DOK6: variants seen among roughly 807,000 people sequenced by gnomAD.
The protein encoded by DOK6 is docking protein 6.
In DOK6, 22 loss-of-function variants were observed where a neutral mutation model predicts 44.0. That is an observed-to-expected ratio of 0.50 (90% CI 0.36 to 0.71). The LOEUF is 0.71. Among genes scored for constraint, DOK6 ranks in the 30% least tolerant of loss-of-function variants. DOK6 has a pLI of 0.00. For missense variants in DOK6, 340 were observed against 416.4 expected, an observed-to-expected ratio of 0.82 and a Z score of 1.60; for synonymous variants, 166 against 145.5, an observed-to-expected ratio of 1.14 and a Z score of -1.01.
chr18:69,746,106 T>TAG (rs142624020), intron 6 of DOK6, among the ~76,000 whole-genome samples: 2,844 of 152,234 alleles, frequency 0.019, 74 homozygotes, highest in African/African-American at 0.063. Context: ...ATAGAGATAA[T>TAG]AGAGAGATTA....
intron 5 of DOK6, among the ~76,000 whole-genome samples, chr18:69,710,170 C>T (rs975037799): frequency 6.6e-6 from 1 of 152,088 alleles, no homozygotes; most frequent in Non-Finnish European, 1.5e-5. Flanking sequence ...CAGAGTGAGA[C>T]CCTGTCTCAG....
At chr18:69,586,470 G>A (rs907977321) in intron 2 of DOK6, among the ~76,000 whole-genome samples, 11 of 152,110 alleles carry the variant, frequency 7.2e-5, no homozygotes, top group Non-Finnish European at 1.5e-4. Context: ...CCAGAAAAAA[G>A]TAAATAAATA....
chr18:69,510,219 G>A (rs1981327600), intron 1 of DOK6, among the ~76,000 whole-genome samples: 3 of 152,188 alleles, frequency 2.0e-5, no homozygotes, highest in Admixed American at 2.0e-4. Flanking sequence ...TTATTACACT[G>A]AATTGGAGCT....
At chr18:69,611,949 T>TACACACAC (rs56185499) in intron 3 of DOK6, among the ~76,000 whole-genome samples, 3,086 of 150,162 alleles carry the variant, frequency 0.021, 25 homozygotes, top group Non-Finnish European at 0.024. Context: ...ATATAAAACT[T>TACACACAC]ACACACACAC....
chr18:69,505,054 C>T (rs939071757), intron 1 of DOK6, among the ~76,000 whole-genome samples: 2 of 152,216 alleles, frequency 1.3e-5, no homozygotes, highest in African/African-American at 4.8e-5. Context: ...TGACTTCCTA[C>T]TCCACTGGAG....
intron 1 of DOK6, among the ~76,000 whole-genome samples, chr18:69,441,460 A>G (rs1392305903): frequency 3.9e-5 from 6 of 152,184 alleles, no homozygotes; most frequent in African/African-American, 1.2e-4. Context: ...AACTTTGTAC[A>G]TAACATCTGT....
At chr18:69,587,331 C>T (rs529513130) in intron 2 of DOK6, among the ~76,000 whole-genome samples, 3 of 152,230 alleles carry the variant, frequency 2.0e-5, no homozygotes, top group African/African-American at 4.8e-5. Flanking sequence ...CCTTGGTTAG[C>T]GCAACATAAC....
At chr18:69,693,896 A>G (rs1160659566) in intron 4 of DOK6, among the ~76,000 whole-genome samples, 1 of 151,710 alleles carries the variant, frequency 6.6e-6, no homozygotes, top group Non-Finnish European at 1.5e-5. Context: ...GCCTCTACTA[A>G]AAATACAAAA....
chr18:69,507,500 C>G (rs1981229249), intron 1 of DOK6, among the ~76,000 whole-genome samples: 1 of 152,060 alleles, frequency 6.6e-6, no homozygotes, highest in Non-Finnish European at 1.5e-5. Flanking sequence ...CATCTTACTG[C>G]TGCTGAGTCT....
intron 3 of DOK6, among the ~76,000 whole-genome samples, chr18:69,611,476 A>G (rs1382585171): frequency 6.6e-6 from 1 of 151,312 alleles, no homozygotes; most frequent in Non-Finnish European, 1.5e-5. Flanking sequence ...CCAAAAAAGG[A>G]AAAAGAAACA....
At chr18:69,782,409 C>T (rs2145090647) in intron 7 of DOK6, among the ~76,000 whole-genome samples, 1 of 152,040 alleles carries the variant, frequency 6.6e-6, no homozygotes, top group African/African-American at 2.4e-5. Flanking sequence ...GACTGGGTTT[C>T]ACTGTGTTAG....
chr18:69,817,714 G>A (rs1376492682), intron 7 of DOK6, among the ~76,000 whole-genome samples: 3 of 152,236 alleles, frequency 2.0e-5, no homozygotes, highest in East Asian at 1.9e-4. Flanking sequence ...CAGTCACATT[G>A]TGAGTGAAGG....
intron 3 of DOK6, among the ~76,000 whole-genome samples, chr18:69,663,832 C>T (rs1160950097): frequency 1.3e-5 from 2 of 152,138 alleles, no homozygotes; most frequent in African/African-American, 4.8e-5. Flanking sequence ...GTGGAATGTG[C>T]GGCTATTTAG....
intron 3 of DOK6, among the ~76,000 whole-genome samples, chr18:69,666,567 T>C (rs1426602475): frequency 4.6e-5 from 7 of 152,180 alleles, no homozygotes; most frequent in African/African-American, 1.7e-4. Flanking sequence ...GCTCTGTTAA[T>C]CATCGACATC....
intron 1 of DOK6, among the ~76,000 whole-genome samples, chr18:69,553,549 T>A (rs910456950): frequency 1.3e-5 from 2 of 152,176 alleles, no homozygotes; most frequent in Non-Finnish European, 2.9e-5. Context: ...CCAAATTACT[T>A]GACTTAAGTG....
At chr18:69,822,284 T>G (rs997102506) in intron 7 of DOK6, among the ~76,000 whole-genome samples, 22 of 152,146 alleles carry the variant, frequency 1.4e-4, no homozygotes, top group Non-Finnish European at 3.1e-4. Flanking sequence ...GGCCTGAAAT[T>G]TTACCCTACT....
At chr18:69,594,239 T>G (rs1209174925) in intron 2 of DOK6, among the ~76,000 whole-genome samples, 2 of 151,782 alleles carry the variant, frequency 1.3e-5, no homozygotes, top group African/African-American at 4.8e-5. Flanking sequence ...GATGGACAGA[T>G]AGATAGCAAA....
chr18:69,432,572 AAGAG>A (rs1978838405), intron 1 of DOK6, among the ~76,000 whole-genome samples: 1 of 152,208 alleles, frequency 6.6e-6, no homozygotes, highest in South Asian at 2.1e-4. Context: ...ATTTTGAGAG[AAGAG>A]AGGGAATGAA....
At chr18:69,609,483 C>A (rs200011427) in intron 3 of DOK6, among the ~76,000 whole-genome samples, 1 of 145,528 alleles carries the variant, frequency 6.9e-6, no homozygotes, top group South Asian at 2.2e-4. Flanking sequence ...ATGGCTATTA[C>A]AAGAAATAAA....
Sources: allele counts gnomAD v4.1 joint callset (sites outside exome capture counted in the v4.1 genomes callset), GRCh38; gene constraint gnomAD v4.1.1; transcripts MANE v1.5; gene names NCBI Gene and HGNC (gene_info 2026-07-23, HGNC 2026-07-21).